The following PDSS1 variants were observed in gnomAD, a reference collection of about 807,000 sequenced individuals.
The protein encoded by PDSS1 is decaprenyl diphosphate synthase subunit 1, also known as all trans-polyprenyl-diphosphate synthase PDSS1.
PDSS1 carries 43 observed loss-of-function variants against 57.5 expected under a neutral mutation model. The observed-to-expected ratio is 0.75, with a 90% CI of 0.59 to 0.96. The LOEUF (loss-of-function observed/expected upper bound fraction) is 0.96. PDSS1 is among the 50% of genes least tolerant of loss of function. The pLI is 0.00. For missense variants in PDSS1, 438 were observed against 527.8 expected, an observed-to-expected ratio of 0.83 and a Z score of 1.67; for synonymous variants, 175 against 191.3, an observed-to-expected ratio of 0.91 and a Z score of 0.70.
intron 5 of PDSS1, among the ~76,000 whole-genome samples, chr10:26,719,104 A>T (rs1835697145): frequency 6.6e-6 from 1 of 152,200 alleles, no homozygotes; most frequent in Admixed American, 6.5e-5. Flanking sequence ...CCCCTCTAAG[A>T]TACAACCTGA....
intron 8 of PDSS1, among the ~76,000 whole-genome samples, chr10:26,730,984 G>A (rs528628130): frequency 3.9e-5 from 6 of 152,214 alleles, no homozygotes; most frequent in East Asian, 1.9e-4. Flanking sequence ...TGAGGCGGCC[G>A]AATCACGAGG....
At chr10:26,730,713 C>G (rs921967508) in intron 8 of PDSS1, among the ~76,000 whole-genome samples, 1 of 152,144 alleles carries the variant, frequency 6.6e-6, no homozygotes, top group Non-Finnish European at 1.5e-5. Context: ...CTTCCCCTAC[C>G]CCCTTGTAGG....
In PDSS1 at chr10:26,735,394, C is replaced by A. The variant is rs79708052; in HGVS notation, c.913-72C>A. 18,068 of 1,396,392 alleles carry A rather than the reference C, an allele frequency of 0.013. 169 individuals carry two copies. The highest frequency in any genetic ancestry group is 0.015 in the Non-Finnish European group (15,037 of 981,048). 86.5% of individuals were successfully genotyped at this position (1,396,392 alleles called of 1,614,324 possible). A position where few individuals can be genotyped will look rare whatever the true frequency, so the allele number is the denominator to read the frequency against. On this transcript the variant is annotated intron_variant, in intron 9 of 11. Transcript: ENST00000376215. ...GCATTCTCCCCTAGTGTGTAATCGT[C>A]AAAATAGTAAGAACGATGGCAGCAG...
chr10:26,729,903 CCTTTTTTTTTT>C (rs1367939682), intron 8 of PDSS1, among the ~76,000 whole-genome samples: 40 of 125,374 alleles, frequency 3.2e-4, no homozygotes, highest in East Asian at 5.1e-4. Context: ...ATAGTTGGTT[CCTTTTTTTTTT>C]TTTTTTTTTT....
intron 10 of PDSS1, among the ~76,000 whole-genome samples, chr10:26,739,180 G>T (rs756828230): frequency 6.6e-6 from 1 of 152,292 alleles, no homozygotes; most frequent in Non-Finnish European, 1.5e-5. Context: ...ACTAGTTGGT[G>T]CCTTAGTGTT....
intron 10 of PDSS1, among the ~76,000 whole-genome samples, chr10:26,739,569 T>C (rs1197590659): frequency 2.0e-5 from 3 of 152,202 alleles, no homozygotes. Flanking sequence ...CCAATCAGCA[T>C]ATCTTACCAC....
chr10:26,724,132 G>C lies in PDSS1; in HGVS notation c.831+9G>C. 3 of 1,566,174 alleles carry C rather than the reference G, an allele frequency of 1.9e-6. No individual in the cohort carries two copies. Among genetic ancestry groups the C allele is most frequent in the Non-Finnish European group, 2.6e-6 (3 of 1,136,246 alleles). On this transcript the variant is annotated intron_variant, in intron 8 of 11. Transcript: ENST00000376215. ...CCAACAGTTGTAAAGCAGTATGTAC[G>C]TTCTGTCTTTCTTCAAGTTAAAGCC...
At chr10:26,709,123 C>A (rs1401553315) in intron 4 of PDSS1, among the ~76,000 whole-genome samples, 2 of 152,194 alleles carry the variant, frequency 1.3e-5, no homozygotes, top group African/African-American at 2.4e-5. Flanking sequence ...AGCATTCAGG[C>A]CACTTGGGGC....
rs1372582639 is a variant in PDSS1, at chr10:26,697,813, G to A, written c.102G>A (p.Pro34=). The change falls in exon 1 of 12, where the codon CCG becomes CCA. Residue 34 remains proline (P), a synonymous_variant. Transcript: ENST00000376215. ...CCGGCCGTGCGGGACCGTTGGGGCC[G>A]AGCGCCGCTGCCGAAGTCCGCGCGC... ...GSPGRAGPLG[P]SAAAEVRAQV... 5 of 1,340,480 alleles carry A rather than the reference G, an allele frequency of 3.7e-6. No homozygotes were observed. The highest frequency in any genetic ancestry group is 3.2e-5 in the East Asian group (1 of 31,504). 83.0% of individuals were successfully genotyped at this position (1,340,480 alleles called of 1,614,324 possible).
chr10:26,726,949 C>G lies in PDSS1; in HGVS notation c.831+2826C>G, dbSNP rs12360057. ...TGGTGGTGCACGCCTGTAATGCCAG[C>G]TACTTGGGAAGCTGAGGCAGGAGAA... On this transcript the variant is annotated intron_variant, in intron 8 of 11. Coordinates refer to ENST00000376215, the MANE Select transcript of PDSS1 (RefSeq NM_014317.5). Among the ~76,000 whole-genome samples the G allele has an allele frequency of 7.2e-3, 1,089 of 152,000 alleles. 7 individuals are homozygous for G. Among genetic ancestry groups the G allele is most frequent in the Middle Eastern group, 0.02 (6 of 294 alleles).
In PDSS1 at chr10:26,697,834, C is replaced by A. The variant is rs1834914800; in HGVS notation, c.123C>A (p.Arg41=). The A allele has an allele frequency of 7.5e-7, 1 of 1,337,786 alleles. No homozygotes were observed. Among genetic ancestry groups the A allele is most frequent in the African/African-American group, 1.5e-5 (1 of 66,528 alleles). 82.9% of individuals were successfully genotyped at this position (1,337,786 alleles called of 1,614,324 possible). A position where few individuals can be genotyped will look rare whatever the true frequency, so the allele number is the denominator to read the frequency against. ...PLGPSAAAEV[R]AQVHRRKGLD... is the part of the protein sequence containing the mutation. ...GGCCGAGCGCCGCTGCCGAAGTCCG[C>A]GCGCAGGTGAGGTTGGGAGGCGCGC... The change falls in exon 1 of 12, where the codon CGC becomes CGA. Residue 41 remains arginine (R), a synonymous_variant. Coordinates refer to ENST00000376215, the MANE Select transcript of PDSS1 (RefSeq NM_014317.5).
intron 1 of PDSS1, among the ~76,000 whole-genome samples, chr10:26,699,579 G>C (rs1380282853): frequency 3.3e-5 from 5 of 151,944 alleles, no homozygotes; most frequent in Non-Finnish European, 7.4e-5. Context: ...ATTTTTAGTA[G>C]AGACGGCATT....
chr10:26,716,605 T>A (rs983890559), intron 5 of PDSS1, among the ~76,000 whole-genome samples: 8 of 151,448 alleles, frequency 5.3e-5, no homozygotes, highest in African/African-American at 1.9e-4. Flanking sequence ...GGCAGAAGAA[T>A]CACTAAAACA....
At chr10:26,742,013 T>C (rs1002894034) in intron 10 of PDSS1, among the ~76,000 whole-genome samples, 1 of 152,138 alleles carries the variant, frequency 6.6e-6, no homozygotes, top group Non-Finnish European at 1.5e-5. Context: ...GTAGCTGGGA[T>C]TACAGGCGTG....
Position 26,701,912 on chromosome 10 carries a change from C to A in PDSS1, c.130-250C>A, listed in dbSNP as rs1228275421. On this transcript the variant is annotated intron_variant, in intron 1 of 11. Transcript: ENST00000376215. ...GCAGTGGGGGTTGAACCCTGCAAAG[C>A]CACAGAGTCAGAGCCACCCAAGTTC... The A allele has an allele frequency of 6.7e-6, 3 of 447,946 alleles. No individual in the cohort carries two copies. In the Admixed American group the frequency reaches 7.2e-5, roughly 11 times the overall value. The allele number at this position is 447,946 out of a possible 1,614,324, so 27.7% of individuals were successfully genotyped here. A position where few individuals can be genotyped will look rare whatever the true frequency, so the allele number is the denominator to read the frequency against.
At chr10:26,731,539 G>A (rs374896068) in intron 8 of PDSS1, among the ~76,000 whole-genome samples, 2 of 152,136 alleles carry the variant, frequency 1.3e-5, no homozygotes, top group Non-Finnish European at 1.5e-5. Context: ...AGTGCCTGCA[G>A]GGTGAATTTA....
Position 26,735,258 on chromosome 10 carries a change from C to T in PDSS1, c.850C>T (p.Pro284Ser), listed in dbSNP as rs1368558321. 6.2e-7 allele frequency: 1 copy of T among 1,613,116 alleles called. No homozygotes were observed. Among genetic ancestry groups the T allele is most frequent in the African/African-American group, 1.3e-5 (1 of 74,878 alleles). ...GTTTCAGGTCTCTGTTCTAGGATGT[C>T]CCGACCCAGTGGTGCATGAGATCGC... ...SCKAVSVLGCPDPVVHEIAYQ... is the reference protein window; with the variant it reads ...SCKAVSVLGCSDPVVHEIAYQ... Residue 284 changes from proline (P) to serine (S), a missense_variant, in exon 9 of 12, where the codon CCC (proline) becomes TCC (serine). Physicochemically the swap from Pro to Ser is moderately conservative, Grantham distance 74. Coordinates refer to ENST00000376215, the MANE Select transcript of PDSS1 (RefSeq NM_014317.5).
chr10:26,732,878 T>G (rs1836261946), intron 8 of PDSS1, among the ~76,000 whole-genome samples: 1 of 152,106 alleles, frequency 6.6e-6, no homozygotes, highest in South Asian at 2.1e-4. Context: ...CCCAGCACTT[T>G]GGGAGGCTGA....
chr10:26,720,970 C>T (rs777446575), intron 6 of PDSS1, among the ~76,000 whole-genome samples: 7 of 152,168 alleles, frequency 4.6e-5, no homozygotes, highest in Non-Finnish European at 1.0e-4. Context: ...TGAAAATGCA[C>T]AGGCATCCAT....
Sources: gnomAD v4.1 joint callset for allele counts (sites outside exome capture counted in the v4.1 genomes callset) on GRCh38, gnomAD v4.1.1 for gene constraint, MANE v1.5 for transcripts, NCBI Gene and HGNC (gene_info 2026-07-23, HGNC 2026-07-21) for gene names.